The following LRRC63 variants were observed in gnomAD, a reference collection of about 807,000 sequenced individuals.
LRRC63 encodes leucine-rich repeat-containing protein 63.
Under a neutral mutation model 49.5 loss-of-function variants are expected in LRRC63, and 40 were observed. The ratio of observed to expected loss-of-function variants is 0.81; its 90% CI spans 0.63 to 1.05. The LOEUF (loss-of-function observed/expected upper bound fraction) is 1.05, where lower values mean the gene tolerates loss of function less well. LRRC63 is among the 50% of genes least tolerant of loss of function. LRRC63 has a pLI of 0.00. For missense variants in LRRC63, 636 were observed against 663.1 expected (o/e 0.96, Z 0.45); for synonymous variants, 191 against 221.1 (o/e 0.86, Z 1.21).
rs566856253 is a variant in LRRC63 at position 46,268,110 on chromosome 13, A to G, written c.1550+1138A>G. On this transcript the variant is annotated intron_variant, in intron 9 of 9. Transcript: ENST00000595396. ...AAAGCAAAACAATCAAACAGATACT[A>G]ATTTCCAAGGACCTAGGATATGAGT... Among the ~76,000 whole-genome samples the G allele has an allele frequency of 2.0e-5, 3 of 152,318 alleles. No individual in the cohort carries two copies. In the East Asian group the frequency reaches 5.8e-4, roughly 29 times the overall value.
chr13:46,224,476 C>G (rs1467038091), intron 2 of LRRC63, among the ~76,000 whole-genome samples: 1 of 152,100 alleles, frequency 6.6e-6, no homozygotes, highest in Non-Finnish European at 1.5e-5. Flanking sequence ...AATTCTTCTT[C>G]TGAATTGTTT....
chr13:46,246,426 C>T, intron 5 of LRRC63, 101 bp from the exon 6 acceptor site: 1 of 502,374 alleles, frequency 2.0e-6, no homozygotes, highest in Non-Finnish European at 3.4e-6. Context: ...TTGTGTAAAA[C>T]ATTCTCATTC....
chr13:46,274,718 CTTTTA>C (rs1566517351), intron 9 of LRRC63, among the ~76,000 whole-genome samples: 2 of 151,932 alleles, frequency 1.3e-5, no homozygotes, highest in African/African-American at 4.8e-5. Flanking sequence ...TTATTTTTTT[CTTTTA>C]TTTTTAGTTG....
At chr13:46,242,004 G>C (rs2047076362) in intron 5 of LRRC63, among the ~76,000 whole-genome samples, 1 of 151,934 alleles carries the variant, frequency 6.6e-6, no homozygotes, top group Non-Finnish European at 1.5e-5. Flanking sequence ...TTCTATTATA[G>C]GGACACATGC....
At chr13:46,249,210 T>A (rs2047306472) in intron 6 of LRRC63, among the ~76,000 whole-genome samples, 1 of 151,754 alleles carries the variant, frequency 6.6e-6, no homozygotes, top group South Asian at 2.1e-4. Context: ...AAACTAACTT[T>A]TCATGTAAAG....
At chr13:46,255,634 A>C (rs2047488263) in intron 7 of LRRC63, among the ~76,000 whole-genome samples, 1 of 135,088 alleles carries the variant, frequency 7.4e-6, no homozygotes, top group African/African-American at 3.2e-5. Flanking sequence ...ACAGAGTAAG[A>C]CCCTGCCTCA....
intron 5 of LRRC63, among the ~76,000 whole-genome samples, chr13:46,239,571 T>G (rs1003334419): frequency 2.0e-5 from 3 of 152,188 alleles, no homozygotes; most frequent in Non-Finnish European, 4.4e-5. Context: ...AAGAAGAGCT[T>G]GTACTATTTC....
At chr13:46,265,908 C>G (rs1048821649) in intron 8 of LRRC63, among the ~76,000 whole-genome samples, 2 of 152,116 alleles carry the variant, frequency 1.3e-5, no homozygotes, top group African/African-American at 4.8e-5. Context: ...TTTTCAATAC[C>G]CTTGTTGATC....
chr13:46,213,939 C>G (rs991379003), intron 2 of LRRC63, among the ~76,000 whole-genome samples: 10 of 152,152 alleles, frequency 6.6e-5, no homozygotes, highest in African/African-American at 2.4e-4. Flanking sequence ...CTGTTCCCTT[C>G]ATTAGTTACC....
At chr13:46,234,594 A>C (rs746515566) in intron 5 of LRRC63, among the ~76,000 whole-genome samples, 3 of 152,182 alleles carry the variant, frequency 2.0e-5, no homozygotes, top group Non-Finnish European at 4.4e-5. Context: ...AGAGAATTTG[A>C]ATTCAGATTT....
At chr13:46,247,741 G>A (rs2047254608) in intron 6 of LRRC63, among the ~76,000 whole-genome samples, 1 of 152,046 alleles carries the variant, frequency 6.6e-6, no homozygotes, top group African/African-American at 2.4e-5. Flanking sequence ...AATTATTACC[G>A]ATTTCATGGA....
At chr13:46,228,522 G>A (rs11840650) in intron 3 of LRRC63, 143 bp from the exon 4 acceptor site, 17,421 of 633,058 alleles carry the variant, frequency 0.028, 626 homozygotes, top group African/African-American at 0.14. Flanking sequence ...TAGAATGCCA[G>A]TGCTGATAGA....
At chr13:46,240,126 C>CTTTT (rs35181820) in intron 5 of LRRC63, among the ~76,000 whole-genome samples, 4 of 120,888 alleles carry the variant, frequency 3.3e-5, no homozygotes, top group South Asian at 2.8e-4. Context: ...CTCTCTTTTT[C>CTTTT]TTTTTTTTTT....
intron 9 of LRRC63, among the ~76,000 whole-genome samples, chr13:46,274,776 A>G (rs952531343): frequency 1.3e-5 from 2 of 152,210 alleles, no homozygotes; most frequent in African/African-American, 4.8e-5. Flanking sequence ...GTGATATTTC[A>G]ATACATGTAT....
At chr13:46,264,194 A>G (rs1454998929) in intron 8 of LRRC63, among the ~76,000 whole-genome samples, 1 of 152,152 alleles carries the variant, frequency 6.6e-6, no homozygotes, top group African/African-American at 2.4e-5. Flanking sequence ...TCAGAATTTT[A>G]TGAGATTACG....
At position 46,228,221 on chromosome 13, in the gene LRRC63, G is replaced by A. The variant is rs757108306; in HGVS notation, c.763+32G>A. ...ACAATCTGAACACGGTATAATTATA[G>A]AGTCAAGTAGAGCAAAGGGGAGAGA... On this transcript the variant is annotated intron_variant, in intron 3 of 9. Transcript: ENST00000595396. 3.5e-6 allele frequency: 5 copies of A among 1,447,636 alleles called. No homozygotes were observed. In the South Asian group the frequency reaches 4.1e-5, roughly 12 times the overall value. The allele number at this position is 1,447,636 out of a possible 1,614,324, so 89.7% of individuals were successfully genotyped here.
In LRRC63 at chr13:46,250,495, A is replaced by G; in HGVS notation, c.1226+4A>G. ...TAATTACTGTTCTTCCAATTGGGTA[A>G]GGTTGATGGTCTGAGATTATAAACA... is the stretch of plus-strand genomic sequence containing the variant. On this transcript the variant is annotated splice_donor_region_variant and intron_variant, in intron 7 of 9. Transcript: ENST00000595396. The G allele has an allele frequency of 6.6e-7, 1 of 1,516,282 alleles. No homozygotes were observed. Among genetic ancestry groups the G allele is most frequent in the African/African-American group, 1.4e-5 (1 of 71,560 alleles). 93.9% of individuals were successfully genotyped at this position (1,516,282 alleles called of 1,614,324 possible). A position where few individuals can be genotyped will look rare whatever the true frequency, so the allele number is the denominator to read the frequency against.
At chr13:46,239,734 C>T (rs781719778) in intron 5 of LRRC63, among the ~76,000 whole-genome samples, 7 of 152,148 alleles carry the variant, frequency 4.6e-5, no homozygotes, top group Non-Finnish European at 8.8e-5. Context: ...TTGATGAACA[C>T]TGATGCAAAA....
rs2047787993 is a variant in LRRC63, at chr13:46,273,505, G to A, written c.1551-3085G>A. 2.0e-5 allele frequency among the ~76,000 whole-genome samples: 3 copies of A among 151,860 alleles called. No homozygotes were observed. In the South Asian group the frequency reaches 6.2e-4, roughly 32 times the overall value. On this transcript the variant is annotated intron_variant, in intron 9 of 9. Transcript: ENST00000595396. Reference sequence around the variant, plus strand: ...TAGTCCCAGCTACTCAGGAGGCTGAGGCAGGAGAATCACTTGAACCCAGGA... The same window carrying A: ...TAGTCCCAGCTACTCAGGAGGCTGAAGCAGGAGAATCACTTGAACCCAGGA...
Sources: allele counts gnomAD v4.1 joint callset (sites outside exome capture counted in the v4.1 genomes callset), GRCh38; gene constraint gnomAD v4.1.1; transcripts MANE v1.5; gene names NCBI Gene and HGNC (gene_info 2026-07-23, HGNC 2026-07-21).